Variants in CTNNA3 observed in about 807,000 individuals in gnomAD.
The protein encoded by CTNNA3 is catenin alpha-3.
Under a neutral mutation model 95.7 loss-of-function variants are expected in CTNNA3, and 76 were observed. The observed-to-expected ratio is 0.79, with a 90% CI of 0.66 to 0.96. The LOEUF is 0.96. Ranked by LOEUF, CTNNA3 falls within the 40% of genes least tolerant of loss-of-function variation. CTNNA3 has a pLI of 0.00. For missense variants in CTNNA3, 1,191 were observed against 1,089.8 expected (o/e 1.09, Z -1.31); for synonymous variants, 431 against 374.4 (o/e 1.15, Z -1.74).
chr10:66,000,407 T>C (rs2078748031), intron 15 of CTNNA3, among the ~76,000 whole-genome samples: 1 of 152,146 alleles, frequency 6.6e-6, no homozygotes, highest in Admixed American at 6.5e-5. Flanking sequence ...AAACAAAAAA[T>C]ACCAAATGTT....
chr10:66,105,549 AC>A (rs1564648558), intron 13 of CTNNA3, among the ~76,000 whole-genome samples: 1 of 152,098 alleles, frequency 6.6e-6, no homozygotes, highest in Admixed American at 6.6e-5. Context: ...AGTTTATTCA[AC>A]CCCCAAATAA....
chr10:66,241,761 G>T (rs2090119727), intron 13 of CTNNA3, among the ~76,000 whole-genome samples: 1 of 150,772 alleles, frequency 6.6e-6, no homozygotes, highest in Admixed American at 6.6e-5. Flanking sequence ...CTAAATAATT[G>T]TCTTAAATAT....
At chr10:66,700,700 A>G (rs1310573382) in intron 9 of CTNNA3, among the ~76,000 whole-genome samples, 1 of 152,080 alleles carries the variant, frequency 6.6e-6, no homozygotes, top group East Asian at 1.9e-4. Flanking sequence ...TAAATTAATT[A>G]TAAGAGTGAA....
chr10:66,334,300 T>C (rs1329526212), intron 12 of CTNNA3, among the ~76,000 whole-genome samples: 2 of 151,984 alleles, frequency 1.3e-5, no homozygotes, highest in African/African-American at 4.8e-5. Context: ...TGCTCGTTAG[T>C]TGATGTAGTT....
intron 13 of CTNNA3, among the ~76,000 whole-genome samples, chr10:66,119,460 C>T (rs1362306512): frequency 6.6e-6 from 1 of 152,152 alleles, no homozygotes; most frequent in Non-Finnish European, 1.5e-5. Context: ...CTAAAGTGAA[C>T]AGCAGAGTAC....
At chr10:66,874,521 A>T (rs1414067963) in intron 7 of CTNNA3, among the ~76,000 whole-genome samples, 1 of 152,218 alleles carries the variant, frequency 6.6e-6, no homozygotes, top group Non-Finnish European at 1.5e-5. Context: ...GCCTGTGTAC[A>T]GTAGGTGGTT....
intron 5 of CTNNA3, among the ~76,000 whole-genome samples, chr10:67,491,633 A>C (rs1848651988): frequency 6.6e-6 from 1 of 152,224 alleles, no homozygotes. Context: ...GGCTGAAAAC[A>C]AAGCTCTGGG....
chr10:67,668,336 G>T (rs1840368247), intron 1 of CTNNA3, among the ~76,000 whole-genome samples: 1 of 151,916 alleles, frequency 6.6e-6, no homozygotes, highest in South Asian at 2.1e-4. Context: ...TTTTATATAG[G>T]CAATAGTCCC....
chr10:67,554,224 G>A (rs990576123), intron 3 of CTNNA3, among the ~76,000 whole-genome samples: 2 of 152,166 alleles, frequency 1.3e-5, no homozygotes, highest in Non-Finnish European at 2.9e-5. Context: ...AAACATACGT[G>A]TGCATGTGTC....
chr10:67,405,860 AC>A (rs1208732608), intron 5 of CTNNA3, among the ~76,000 whole-genome samples: 1 of 152,204 alleles, frequency 6.6e-6, no homozygotes, highest in Non-Finnish European at 1.5e-5. Flanking sequence ...AATCTCTCAG[AC>A]CACAGTGCAA....
At chr10:67,219,576 C>T in intron 6 of CTNNA3, 31 bp downstream of exon 6, 3 of 1,591,900 alleles carry the variant, frequency 1.9e-6, no homozygotes, top group Non-Finnish European at 2.6e-6. Flanking sequence ...ATTAGGACAT[C>T]AGATCACACT....
At chr10:67,349,218 A>T (rs2132638418) in intron 5 of CTNNA3, among the ~76,000 whole-genome samples, 1 of 152,306 alleles carries the variant, frequency 6.6e-6, no homozygotes, top group East Asian at 1.9e-4. Context: ...ATCCAAAAGA[A>T]CTGAGATCAG....
At chr10:67,702,600 C>T (rs1351934000) in intron 1 of CTNNA3, among the ~76,000 whole-genome samples, 1 of 152,186 alleles carries the variant, frequency 6.6e-6, no homozygotes, top group Non-Finnish European at 1.5e-5. Flanking sequence ...CACAACATGC[C>T]AGAATCTCTG....
At chr10:67,709,780 C>T (rs1043512060) in intron 1 of CTNNA3, among the ~76,000 whole-genome samples, 41 of 152,098 alleles carry the variant, frequency 2.7e-4, no homozygotes, top group African/African-American at 8.7e-4. Context: ...TCAGTGACCC[C>T]ACTCTGGTCA....
intron 10 of CTNNA3, among the ~76,000 whole-genome samples, chr10:66,556,907 G>T (rs1226538742): frequency 6.6e-6 from 1 of 151,998 alleles, no homozygotes; most frequent in Admixed American, 6.6e-5. Flanking sequence ...TATCTGAAGA[G>T]AAAGATCTGT....
At chr10:66,080,970 T>C (rs937231669) in intron 14 of CTNNA3, among the ~76,000 whole-genome samples, 5 of 152,174 alleles carry the variant, frequency 3.3e-5, no homozygotes, top group African/African-American at 1.2e-4. Context: ...TGGGACAAGA[T>C]GTACATCACA....
At position 67,002,773 on chromosome 10, in the gene CTNNA3, T is replaced by A. The variant is rs10997479; in HGVS notation, c.1047+177544A>T. 9.7e-3 allele frequency among the ~76,000 whole-genome samples: 1,484 copies of A among 152,250 alleles called. 10 individuals carry two copies. Among genetic ancestry groups the A allele is most frequent in the South Asian group, 0.017 (80 of 4,824 alleles). On this transcript the variant is annotated intron_variant, in intron 7 of 17. Coordinates refer to ENST00000433211, the MANE Select transcript of CTNNA3 (RefSeq NM_013266.4). ...AGAGTCACTGGCCATATTTCATATA[T>A]AATTGCTGGGTTAAATAAACACAAT... is the stretch of plus-strand genomic sequence containing the variant.
At chr10:67,263,687 G>C (rs1316586959) in intron 5 of CTNNA3, among the ~76,000 whole-genome samples, 1 of 152,030 alleles carries the variant, frequency 6.6e-6, no homozygotes, top group Non-Finnish European at 1.5e-5. Flanking sequence ...AAAAGAAGAA[G>C]TACCAGATGT....
At chr10:66,949,563 TA>T (rs5785805) in intron 7 of CTNNA3, among the ~76,000 whole-genome samples, 81,555 of 139,472 alleles carry the variant, frequency 0.58, 23,082 homozygotes, top group African/African-American at 0.73. Context: ...CATCTCAAAA[TA>T]AAAAAAAAAA....
Sources: allele counts gnomAD v4.1 joint callset (sites outside exome capture counted in the v4.1 genomes callset), GRCh38; gene constraint gnomAD v4.1.1; transcripts MANE v1.5; gene names NCBI Gene and HGNC (gene_info 2026-07-23, HGNC 2026-07-21).